Variants in KIF16B observed in about 807,000 individuals in gnomAD.
KIF16B encodes kinesin family member 16B, also known as kinesin-like protein KIF16B.
Under a neutral mutation model 156.3 loss-of-function variants are expected in KIF16B, and 98 were observed. The observed-to-expected ratio is 0.63, with a 90% CI of 0.53 to 0.74. The LOEUF (loss-of-function observed/expected upper bound fraction) is 0.74, where lower values mean the gene tolerates loss of function less well. Ranked by LOEUF, KIF16B falls within the 30% of genes least tolerant of loss-of-function variation. The probability of loss-of-function intolerance (pLI) is 0.00; values close to 1 mark genes in which losing one functional copy is unlikely to be tolerated. For missense variants in KIF16B, 1,421 were observed against 1,606.5 expected (o/e 0.88, Z 1.97); for synonymous variants, 564 against 583.7 (o/e 0.97, Z 0.49).
intron 22 of KIF16B, chr20:16,367,385 C>A: frequency 6.2e-7 from 1 of 1,612,884 alleles, no homozygotes; most frequent in Non-Finnish European, 8.5e-7. Flanking sequence ...TCTGGAACAA[C>A]AACACACCTG....
In KIF16B at chr20:16,371,726, C is replaced by T. The variant is rs538666717; in HGVS notation, c.3386G>A (p.Arg1129His). 118 of 1,613,850 alleles carry T rather than the reference C, an allele frequency of 7.3e-5. 1 individual carries two copies. In the South Asian group the frequency reaches 1.0e-3, roughly 14 times the overall value. The change falls in exon 21 of 26, where the codon CGC (arginine) becomes CAC (histidine). Residue 1129 changes from arginine to histidine, a missense_variant. Transcript: ENST00000354981. ...AATCACACGATGCAAATCCTGAAGGCGTCTTTGGACTTCTTCTTCAATGTA... is the reference window on the plus strand; with the variant it reads ...AATCACACGATGCAAATCCTGAAGGTGTCTTTGGACTTCTTCTTCAATGTA... ...NAYIEEEVQRRLQDLHRVISE... is the reference protein window; with the variant it reads ...NAYIEEEVQRHLQDLHRVISE...
chr20:16,318,481 C>T (rs1160195238), intron 24 of KIF16B, among the ~76,000 whole-genome samples: 1 of 152,112 alleles, frequency 6.6e-6, no homozygotes, highest in Non-Finnish European at 1.5e-5. Context: ...AGGGAATACA[C>T]ACGACAAGCC....
At chr20:16,307,225 T>C (rs2063554038) in intron 25 of KIF16B, among the ~76,000 whole-genome samples, 1 of 152,212 alleles carries the variant, frequency 6.6e-6, no homozygotes, top group Non-Finnish European at 1.5e-5. Flanking sequence ...TTAATTATAG[T>C]TACTCCTTGA....
chr20:16,303,693 G>A (rs1434257710), intron 25 of KIF16B, among the ~76,000 whole-genome samples: 1 of 152,160 alleles, frequency 6.6e-6, no homozygotes, highest in Non-Finnish European at 1.5e-5. Flanking sequence ...CTGGAATCCT[G>A]TCTTCACAAA....
chr20:16,571,846 G>T (rs2122236455), intron 1 of KIF16B, among the ~76,000 whole-genome samples: 1 of 152,154 alleles, frequency 6.6e-6, no homozygotes, highest in Non-Finnish European at 1.5e-5. Context: ...AGCCAGGATG[G>T]TCTCCATCTC....
intron 12 of KIF16B, among the ~76,000 whole-genome samples, chr20:16,477,563 G>A (rs1238222334): frequency 1.3e-5 from 2 of 152,074 alleles, no homozygotes; most frequent in African/African-American, 4.8e-5. Flanking sequence ...TAATAAAGAC[G>A]TTCAGAAATC....
intron 24 of KIF16B, among the ~76,000 whole-genome samples, chr20:16,332,767 T>A (rs528310832): frequency 1.6e-4 from 24 of 152,210 alleles, no homozygotes; most frequent in South Asian, 2.1e-4. Flanking sequence ...AATAAAAAAA[T>A]TTTTCTTAAT....
chr20:16,534,522 C>T (rs2069881386), intron 1 of KIF16B, among the ~76,000 whole-genome samples: 1 of 152,060 alleles, frequency 6.6e-6, no homozygotes, highest in African/African-American at 2.4e-5. Context: ...TTAACATAGC[C>T]CCTTCTGTCT....
At position 16,396,654 on chromosome 20, in the gene KIF16B, T is replaced by C. The variant is rs1372096589; in HGVS notation, c.1784+8159A>G. 8.6e-5 allele frequency among the ~76,000 whole-genome samples: 13 copies of C among 150,782 alleles called. No individual in the cohort carries two copies. The East Asian group carries it at 2.3e-3, about 27-fold the overall frequency. On this transcript the variant is annotated intron_variant, in intron 17 of 25. Coordinates refer to ENST00000354981, the MANE Select transcript of KIF16B (RefSeq NM_024704.5). ...AACATGTTAACTGTAGTCGCTTTTT[T>C]TTTTTTTTTTTGCTTATGATTTCTA...
At chr20:16,297,736 G>A (rs74595686) in intron 25 of KIF16B, among the ~76,000 whole-genome samples, 1,544 of 150,216 alleles carry the variant, frequency 0.01, 31 homozygotes, top group African/African-American at 0.034. Flanking sequence ...CCTGGGTTTT[G>A]GGTGTCCATA....
intron 5 of KIF16B, 53 bp from the exon 6 acceptor site, chr20:16,511,580 T>C: frequency 3.3e-6 from 4 of 1,203,058 alleles, no homozygotes; most frequent in Non-Finnish European, 4.9e-6. Flanking sequence ...GACATTAATA[T>C]CAGTAACAAC....
chr20:16,316,726 T>G (rs1320603603), intron 24 of KIF16B, among the ~76,000 whole-genome samples: 1 of 152,188 alleles, frequency 6.6e-6, no homozygotes, highest in Non-Finnish European at 1.5e-5. Context: ...TCTCCACAAG[T>G]GCAAAGCTAT....
At chr20:16,536,832 C>T (rs1387930933) in intron 1 of KIF16B, among the ~76,000 whole-genome samples, 1 of 152,160 alleles carries the variant, frequency 6.6e-6, no homozygotes, top group Non-Finnish European at 1.5e-5. Context: ...CCTTCATCCA[C>T]TGCAGACTCT....
chr20:16,310,872 C>T (rs1402979155), intron 25 of KIF16B, among the ~76,000 whole-genome samples: 1 of 152,178 alleles, frequency 6.6e-6, no homozygotes, highest in East Asian at 1.9e-4. Flanking sequence ...CCCGAAACTC[C>T]TCTTTTCTCA....
intron 23 of KIF16B, among the ~76,000 whole-genome samples, chr20:16,347,196 G>A (rs1290535147): frequency 1.3e-5 from 2 of 152,252 alleles, no homozygotes; most frequent in East Asian, 3.9e-4. Flanking sequence ...TCTTAAAAAG[G>A]CGTTATATTA....
At chr20:16,317,960 C>A (rs182462237) in intron 24 of KIF16B, among the ~76,000 whole-genome samples, 7 of 152,180 alleles carry the variant, frequency 4.6e-5, no homozygotes, top group African/African-American at 1.7e-4. Context: ...GGCTTTATCG[C>A]CCACAGCCAG....
chr20:16,309,435 T>TA (rs1032460474), intron 25 of KIF16B, among the ~76,000 whole-genome samples: 11 of 152,234 alleles, frequency 7.2e-5, no homozygotes, highest in African/African-American at 1.9e-4. Context: ...TGCTCCAAGG[T>TA]AAAAAAATTA....
intron 3 of KIF16B, among the ~76,000 whole-genome samples, chr20:16,518,693 T>C (rs945457817): frequency 2.6e-5 from 4 of 152,220 alleles, no homozygotes; most frequent in Admixed American, 6.5e-5. Flanking sequence ...TCATTGATTT[T>C]TTTTCTAATT....
At position 16,572,743 on chromosome 20, in the gene KIF16B, T is replaced by C. The variant is rs1024486063; in HGVS notation, c.47+486A>G. On this transcript the variant is annotated intron_variant, in intron 1 of 25. Transcript: ENST00000354981. ...AAGTTTTCCCATCCACTCTCTAACA[T>C]GAAGTTAGGAACTGCTAAGTTATCG... Among the ~76,000 whole-genome samples, 5 of 152,236 alleles carry C rather than the reference T, an allele frequency of 3.3e-5. No individual in the cohort carries two copies. In the East Asian group the frequency reaches 7.7e-4, roughly 23 times the overall value.
Sources: allele counts gnomAD v4.1 joint callset (sites outside exome capture counted in the v4.1 genomes callset), GRCh38; gene constraint gnomAD v4.1.1; transcripts MANE v1.5; gene names NCBI Gene and HGNC (gene_info 2026-07-23, HGNC 2026-07-21).